Variants in ZNF385D observed in about 807,000 individuals in gnomAD.
ZNF385D encodes zinc finger protein 659.
In ZNF385D, 15 loss-of-function variants were observed where a neutral mutation model predicts 35.8. That is an observed-to-expected ratio of 0.42 (90% confidence interval 0.28 to 0.64). The LOEUF is 0.64. Among genes scored for constraint, ZNF385D ranks in the 30% least tolerant of loss-of-function variants. The probability of loss-of-function intolerance (pLI) is 0.23; values close to 1 mark genes in which losing one functional copy is unlikely to be tolerated. For missense variants in ZNF385D, 474 were observed against 494.6 expected (o/e 0.96, Z 0.39); for synonymous variants, 212 against 186.8 (o/e 1.13, Z -1.10).
chr3:21,876,199 GA>G (rs1471979906), intron 3 of ZNF385D, among the ~76,000 whole-genome samples: 1 of 151,474 alleles, frequency 6.6e-6, no homozygotes, highest in Non-Finnish European at 1.5e-5. Flanking sequence ...CTGAGGGATA[GA>G]AAATGTTTGG....
chr3:21,754,749 C>T (rs1034844905), upstream of ZNF385D, among the ~76,000 whole-genome samples: 2 of 152,042 alleles, frequency 1.3e-5, no homozygotes, highest in African/African-American at 4.8e-5. Flanking sequence ...TTTGATTTCT[C>T]CTCACTGGAA....
rs534197140 is a variant in ZNF385D at position 22,099,848 on chromosome 3, T to A, written c.325+68969A>T. Among the ~76,000 whole-genome samples the A allele has an allele frequency of 6.6e-4, 101 of 152,150 alleles. 1 individual carries two copies. Among genetic ancestry groups the A allele is most frequent in the Middle Eastern group, 6.8e-3 (2 of 294 alleles). On this transcript the variant is annotated intron_variant, in intron 3 of 5. Coordinates refer to the ZNF385D transcript ENST00000494108. ...GCTACTACTGTAAGAATGAACAGAT[T>A]GGAGCCTGGTTGTAGAATGTATAGA... is the stretch of plus-strand genomic sequence containing the variant.
chr3:22,083,157 C>G (rs1700844849), intron 3 of ZNF385D, among the ~76,000 whole-genome samples: 1 of 152,130 alleles, frequency 6.6e-6, no homozygotes, highest in Non-Finnish European at 1.5e-5. Context: ...TTCTAAAAAC[C>G]AAAGCGCCTC....
At chr3:21,929,398 T>G (rs1413568550) in intron 3 of ZNF385D, among the ~76,000 whole-genome samples, 1 of 152,064 alleles carries the variant, frequency 6.6e-6, no homozygotes, top group Non-Finnish European at 1.5e-5. Context: ...ACCCAAAGAC[T>G]GGGAGCAAGG....
chr3:21,937,329 C>G (rs1701310697), intron 3 of ZNF385D, among the ~76,000 whole-genome samples: 1 of 152,156 alleles, frequency 6.6e-6, no homozygotes, highest in African/African-American at 2.4e-5. Flanking sequence ...ATTCTCCACT[C>G]CAGTGCCTTT....
chr3:21,558,153 C>A (rs1018626086), intron 3 of ZNF385D, among the ~76,000 whole-genome samples: 1 of 145,750 alleles, frequency 6.9e-6, no homozygotes, highest in East Asian at 2.0e-4. Flanking sequence ...GTCTCTATCT[C>A]CTTCAGTTCT....
At chr3:22,043,601 A>T (rs1698807390) in intron 3 of ZNF385D, among the ~76,000 whole-genome samples, 1 of 124,802 alleles carries the variant, frequency 8.0e-6, no homozygotes, top group African/African-American at 2.9e-5. Context: ...TGAACAAGAC[A>T]TTATAGTCCC....
chr3:22,268,047 G>A (rs113430778), intron 2 of ZNF385D, among the ~76,000 whole-genome samples: 2,237 of 152,020 alleles, frequency 0.015, 26 homozygotes, highest in Middle Eastern at 0.024. Context: ...CACTACAAGA[G>A]ACCAATTAGT....
chr3:21,798,862 C>T (rs928358924), intron 3 of ZNF385D, among the ~76,000 whole-genome samples: 1 of 152,096 alleles, frequency 6.6e-6, no homozygotes, highest in Non-Finnish European at 1.5e-5. Context: ...GTAGCATTTA[C>T]TAAATTCACA....
intron 3 of ZNF385D, among the ~76,000 whole-genome samples, chr3:21,834,417 G>T (rs1695195395): frequency 6.6e-6 from 1 of 152,152 alleles, no homozygotes; most frequent in Non-Finnish European, 1.5e-5. Context: ...ATCTGGAAAA[G>T]ACTTTAGGTG....
At chr3:22,308,898 G>T (rs914163108) in intron 2 of ZNF385D, among the ~76,000 whole-genome samples, 1 of 152,034 alleles carries the variant, frequency 6.6e-6, no homozygotes, top group African/African-American at 2.4e-5. Context: ...TCTGCAGATT[G>T]CAAGTTAATA....
intron 3 of ZNF385D, among the ~76,000 whole-genome samples, chr3:22,117,590 A>G (rs2125657884): frequency 6.6e-6 from 1 of 152,106 alleles, no homozygotes; most frequent in Non-Finnish European, 1.5e-5. Context: ...TTTTTACAAA[A>G]AAAATGATAT....
At chr3:21,958,715 G>A (rs999736098) in intron 3 of ZNF385D, 54 of 152,088 alleles carry the variant, frequency 3.6e-4, no homozygotes, top group African/African-American at 1.2e-3. Flanking sequence ...CTTCACAATT[G>A]AAATAAAAAT....
chr3:22,047,650 G>A (rs1414021683), intron 3 of ZNF385D, among the ~76,000 whole-genome samples: 3 of 152,016 alleles, frequency 2.0e-5, no homozygotes, highest in Non-Finnish European at 1.5e-5. Context: ...TTCATCATTG[G>A]TGGATATGTA....
At chr3:22,028,045 T>C (rs994756813) in intron 3 of ZNF385D, among the ~76,000 whole-genome samples, 2 of 152,054 alleles carry the variant, frequency 1.3e-5, no homozygotes, top group African/African-American at 4.8e-5. Context: ...TAAGGAGAAA[T>C]GGTCAGATGT....
intron 3 of ZNF385D, among the ~76,000 whole-genome samples, chr3:22,134,746 C>A (rs1704003988): frequency 6.6e-6 from 1 of 152,126 alleles, no homozygotes; most frequent in Non-Finnish European, 1.5e-5. Context: ...GGGTCCATAG[C>A]TGGCAAGGGC....
chr3:22,072,801 A>G (rs1559347656), intron 3 of ZNF385D, among the ~76,000 whole-genome samples: 1 of 151,974 alleles, frequency 6.6e-6, no homozygotes, highest in Non-Finnish European at 1.5e-5. Flanking sequence ...AGAAGAAATA[A>G]GGAAACAGAA....
intron 2 of ZNF385D, among the ~76,000 whole-genome samples, chr3:22,259,273 G>T (rs958598996): frequency 6.6e-6 from 1 of 151,776 alleles, no homozygotes; most frequent in African/African-American, 2.4e-5. Flanking sequence ...ATTAAGAATT[G>T]GGGAGTTGTT....
At chr3:22,048,169 T>A (rs1432416950) in intron 3 of ZNF385D, among the ~76,000 whole-genome samples, 1 of 152,262 alleles carries the variant, frequency 6.6e-6, no homozygotes. Flanking sequence ...TTTGCAAACA[T>A]TTTTTTCCTT....
Sources: allele counts gnomAD v4.1 joint callset (sites outside exome capture counted in the v4.1 genomes callset), GRCh38; gene constraint gnomAD v4.1.1; transcripts MANE v1.5; gene names NCBI Gene and HGNC (gene_info 2026-07-23, HGNC 2026-07-21).